The following PPP1R12B variants were observed in gnomAD, a reference collection of about 807,000 sequenced individuals.
PPP1R12B encodes myosin phosphatase target subunit 2.
In PPP1R12B, 76 loss-of-function variants were observed where a neutral mutation model predicts 126.1. The ratio of observed to expected loss-of-function variants is 0.60; its 90% CI spans 0.50 to 0.73. The LOEUF is 0.73. PPP1R12B is among the 30% of genes least tolerant of loss of function. PPP1R12B has a pLI of 0.00. For missense variants in PPP1R12B, 1,052 were observed against 1,205.1 expected, an observed-to-expected ratio of 0.87 and a Z score of 1.88; for synonymous variants, 356 against 434.7, an observed-to-expected ratio of 0.82 and a Z score of 2.25.
rs537636845 is a variant in PPP1R12B, at chr1:202,589,872, G to A, written c.*9312G>A. ...TGCCCCCATGCCTTTGGACCTGATG[G>A]ACAAGCACACATCTAGCCAACGGTG... On this transcript the variant is annotated 3_prime_UTR_variant, in exon 24 of 24. Transcript: ENST00000608999. 6.6e-6 allele frequency: 1 copy of A among 152,254 alleles called. No homozygotes were observed. The highest frequency in any genetic ancestry group is 2.4e-5 in the African/African-American group (1 of 41,426). 9.4% of individuals were successfully genotyped at this position (152,254 alleles called of 1,614,324 possible). A position where few individuals can be genotyped will look rare whatever the true frequency, so the allele number is the denominator to read the frequency against.
chr1:202,484,453 G>C (rs981285988), intron 13 of PPP1R12B, among the ~76,000 whole-genome samples: 2 of 152,162 alleles, frequency 1.3e-5, no homozygotes, highest in African/African-American at 4.8e-5. Flanking sequence ...GCTACTAATT[G>C]TAAGTGTCAC....
chr1:202,377,038 C>T (rs981780519), intron 1 of PPP1R12B, among the ~76,000 whole-genome samples: 2 of 152,106 alleles, frequency 1.3e-5, no homozygotes, highest in East Asian at 1.9e-4. Flanking sequence ...TAGCCCAGGA[C>T]GATTCTTCCA....
intron 18 of PPP1R12B, among the ~76,000 whole-genome samples, chr1:202,524,533 C>G (rs1427612367): frequency 1.3e-5 from 2 of 152,174 alleles, no homozygotes; most frequent in Non-Finnish European, 2.9e-5. Context: ...ACGCTTTCCC[C>G]TGAGTCCCCA....
chr1:202,502,548 T>C, intron 18 of PPP1R12B: 3 of 839,624 alleles, frequency 3.6e-6, no homozygotes, highest in Non-Finnish European at 4.3e-6. Flanking sequence ...TTTTCTAGAT[T>C]CTGGGGATGC....
intron 13 of PPP1R12B, among the ~76,000 whole-genome samples, chr1:202,450,928 A>C (rs1468950411): frequency 6.6e-6 from 1 of 152,124 alleles, no homozygotes; most frequent in Non-Finnish European, 1.5e-5. Flanking sequence ...GATTGTATTG[A>C]ATCTGTAGAT....
intron 1 of PPP1R12B, among the ~76,000 whole-genome samples, chr1:202,353,981 C>T (rs1286040013): frequency 6.6e-6 from 1 of 152,050 alleles, no homozygotes; most frequent in Non-Finnish European, 1.5e-5. Flanking sequence ...ATCTTCTACT[C>T]TGTGAGTATT....
Position 202,425,653 on chromosome 1 carries a change from A to T in PPP1R12B, c.629A>T (p.Asp210Val). The change falls in exon 4 of 24, where the codon GAT (aspartate) becomes GTT (valine). Residue 210 changes from aspartate (D) to valine (V), a missense_variant. Asp to Val is a radical substitution (Grantham distance 152, BLOSUM62 -3). Coordinates refer to ENST00000608999, the MANE Select transcript of PPP1R12B (RefSeq NM_002481.4). ...TGGCTCAACAGTGGGAAAATAGAGG[A>T]TGTGAGGCAGGCTCGCTCAGGGGCT... ...RQWLNSGKIE[D>V]VRQARSGATA... The T allele has an allele frequency of 6.2e-7, 1 of 1,613,932 alleles. No homozygotes were observed. Among genetic ancestry groups the T allele is most frequent in the Admixed American group, 1.7e-5 (1 of 60,002 alleles).
intron 1 of PPP1R12B, among the ~76,000 whole-genome samples, chr1:202,379,569 T>C (rs1661882424): frequency 1.3e-5 from 2 of 152,248 alleles, no homozygotes; most frequent in Admixed American, 1.3e-4. Flanking sequence ...TAGTTGAGAC[T>C]GTCATCTTTA....
intron 13 of PPP1R12B, among the ~76,000 whole-genome samples, chr1:202,471,460 C>T (rs1305337818): frequency 1.2e-4 from 18 of 151,660 alleles, no homozygotes; most frequent in Non-Finnish European, 5.9e-5. Flanking sequence ...ATGGAATTTC[C>T]GGGTCTATAG....
At chr1:202,511,222 G>GTT (rs1253795454) in intron 18 of PPP1R12B, among the ~76,000 whole-genome samples, 2 of 143,988 alleles carry the variant, frequency 1.4e-5, no homozygotes, top group South Asian at 2.2e-4. Context: ...CCACTATGTA[G>GTT]TTTTTTTTTT....
intron 18 of PPP1R12B, among the ~76,000 whole-genome samples, chr1:202,523,595 T>C (rs1213806519): frequency 6.6e-6 from 1 of 152,198 alleles, no homozygotes; most frequent in Non-Finnish European, 1.5e-5. Context: ...AATCAGATCA[T>C]CTGAATGCAG....
In PPP1R12B at chr1:202,351,260, T is replaced by A. The variant is rs934314345; in HGVS notation, c.291+2118T>A. 2.7e-5 allele frequency among the ~76,000 whole-genome samples: 4 copies of A among 149,396 alleles called. No individual in the cohort carries two copies. In the South Asian group the frequency reaches 8.4e-4, roughly 31 times the overall value. ...TGTTGTTTAAAAAAAAAAAAAACAG[T>A]GTCTCACTGTATCTCCCAGGCTGGA... On this transcript the variant is annotated intron_variant, in intron 1 of 23. Coordinates refer to ENST00000608999, the MANE Select transcript of PPP1R12B (RefSeq NM_002481.4).
chr1:202,454,871 A>G (rs539198627), intron 13 of PPP1R12B, among the ~76,000 whole-genome samples: 2 of 152,158 alleles, frequency 1.3e-5, no homozygotes, highest in African/African-American at 4.8e-5. Flanking sequence ...ACCATGAACT[A>G]TTATAACACC....
Position 202,562,937 on chromosome 1 carries a change from C to A in PPP1R12B, c.2652+15C>A. Reference sequence around the variant, plus strand: ...ATTATAAAAAAGTAGGGTCTTTATTCAATTTTCCGGTTCTTTGGTGACATG... The same window carrying A: ...ATTATAAAAAAGTAGGGTCTTTATTAAATTTTCCGGTTCTTTGGTGACATG... On this transcript the variant is annotated intron_variant, in intron 20 of 23. Coordinates refer to ENST00000608999, the MANE Select transcript of PPP1R12B (RefSeq NM_002481.4). The A allele has an allele frequency of 6.5e-7, 1 of 1,544,358 alleles. No individual in the cohort carries two copies. The highest frequency in any genetic ancestry group is 8.7e-7 in the Non-Finnish European group (1 of 1,149,124).
At chr1:202,398,092 A>G (rs773469834) in intron 1 of PPP1R12B, among the ~76,000 whole-genome samples, 1 of 152,074 alleles carries the variant, frequency 6.6e-6, no homozygotes, top group Non-Finnish European at 1.5e-5. Context: ...TATTTTCTAT[A>G]TGTTTGATTT....
chr1:202,417,843 C>T (rs1668283951), intron 2 of PPP1R12B, among the ~76,000 whole-genome samples: 1 of 152,186 alleles, frequency 6.6e-6, no homozygotes, highest in Admixed American at 6.5e-5. Context: ...GTGTAGAGGC[C>T]TGAGAATGAC....
intron 18 of PPP1R12B, among the ~76,000 whole-genome samples, chr1:202,542,392 C>T (rs1234795026): frequency 6.6e-6 from 1 of 152,198 alleles, no homozygotes; most frequent in Non-Finnish European, 1.5e-5. Context: ...GCTTGCCTAG[C>T]ATTGCTCAAC....
intron 20 of PPP1R12B, among the ~76,000 whole-genome samples, chr1:202,564,014 C>A (rs1012637630): frequency 2.0e-5 from 3 of 152,150 alleles, no homozygotes; most frequent in African/African-American, 7.2e-5. Context: ...GAGGGGTGAT[C>A]ATGCTACTAC....
At position 202,402,624 on chromosome 1, in the gene PPP1R12B, C is replaced by T. The variant is rs115708371; in HGVS notation, c.292-14163C>T. Among the ~76,000 whole-genome samples, 1,064 of 152,298 alleles carry T rather than the reference C, an allele frequency of 7.0e-3. 12 individuals are homozygous for T. The highest frequency in any genetic ancestry group is 0.025 in the African/African-American group (1,020 of 41,560). ...GTTAAGGCCTAGCAGAAACAAGACG[C>T]AGCTTTAAGAGAGGTCAACTATGTT... On this transcript the variant is annotated intron_variant, in intron 1 of 23. Coordinates refer to ENST00000608999, the MANE Select transcript of PPP1R12B (RefSeq NM_002481.4).
Sources: gnomAD v4.1 joint callset for allele counts (sites outside exome capture counted in the v4.1 genomes callset) on GRCh38, gnomAD v4.1.1 for gene constraint, MANE v1.5 for transcripts, NCBI Gene and HGNC (gene_info 2026-07-23, HGNC 2026-07-21) for gene names.